RELN: variants seen among roughly 807,000 people sequenced by gnomAD.
RELN encodes reelin.
A neutral mutation model predicts 427.6 loss-of-function variants in RELN; 108 were observed. The observed-to-expected ratio is 0.25, with a 90% CI of 0.22 to 0.30. The LOEUF (loss-of-function observed/expected upper bound fraction) is 0.30. Ranked by LOEUF, RELN falls within the 10% of genes least tolerant of loss-of-function variation. The pLI is 1.00. For missense variants in RELN, 3,715 were observed against 4,302.8 expected (o/e 0.86, Z 3.82); for synonymous variants, 1,524 against 1,513.4 (o/e 1.01, Z -0.16).
rs1448416860 is a variant in RELN, at chr7:103,596,495, A to G, written c.3500T>C (p.Leu1167Pro). ...YSNNGGIQWHLLAEMYFSDFS... is the reference protein window; with the variant it reads ...YSNNGGIQWHPLAEMYFSDFS... ...GTCTGAAAAGTACATCTCTGCTAGC[A>G]GGTGCCACTGGATGCCCCCATTGTT... is the stretch of plus-strand genomic sequence containing the variant. The change falls in exon 25 of 65, where the codon CTG becomes CCG. Residue 1167 changes from leucine (L) to proline (P), a missense_variant. Around this residue, in one of 4 missense-constraint regions of RELN, gnomAD observed 2,208 missense variants for 2,361.7 expected, o/e 0.93. Transcript: ENST00000428762. 2 of 1,613,916 alleles carry G rather than the reference A, an allele frequency of 1.2e-6. No individual in the cohort carries two copies. Among genetic ancestry groups the G allele is most frequent in the Non-Finnish European group, 1.7e-6 (2 of 1,179,936 alleles).
At chr7:103,942,465 G>A (rs1472470868) in intron 1 of RELN, among the ~76,000 whole-genome samples, 1 of 152,182 alleles carries the variant, frequency 6.6e-6, no homozygotes, top group Admixed American at 6.5e-5. Context: ...TTCTCAAAGT[G>A]TGGTCTACAG....
chr7:103,694,222 G>A (rs1382657897), intron 10 of RELN, among the ~76,000 whole-genome samples: 2 of 152,172 alleles, frequency 1.3e-5, no homozygotes, highest in African/African-American at 2.4e-5. Flanking sequence ...ACAGGTGGAT[G>A]TTGGGAAGAA....
At chr7:103,680,509 C>CT (rs75029362) in intron 11 of RELN, among the ~76,000 whole-genome samples, 1,846 of 144,734 alleles carry the variant, frequency 0.013, 15 homozygotes, top group Middle Eastern at 0.022. Flanking sequence ...TCGAATTGGT[C>CT]TTTTTTTTTT....
At chr7:103,738,982 G>A (rs1421443785) in intron 6 of RELN, among the ~76,000 whole-genome samples, 2 of 151,958 alleles carry the variant, frequency 1.3e-5, no homozygotes, top group East Asian at 1.9e-4. Context: ...TGCCTGGCCT[G>A]GCATCTTTTC....
chr7:103,870,036 C>A (rs1311299698), intron 2 of RELN, among the ~76,000 whole-genome samples: 1 of 152,014 alleles, frequency 6.6e-6, no homozygotes, highest in East Asian at 1.9e-4. Flanking sequence ...TCCAATGAAC[C>A]CTTCATTCCA....
chr7:103,693,882 A>G lies in RELN; in HGVS notation c.1143+3971T>C, dbSNP rs1422035510. 2.0e-5 allele frequency among the ~76,000 whole-genome samples: 3 copies of G among 152,126 alleles called. No homozygotes were observed. In the East Asian group the frequency reaches 5.8e-4, roughly 29 times the overall value. Reference sequence around the variant, plus strand: ...CTCTATTTCATCTCCTCTGTAGATTACTGAAAACACCTCCTGCCTTCATAA... The same window carrying G: ...CTCTATTTCATCTCCTCTGTAGATTGCTGAAAACACCTCCTGCCTTCATAA... On this transcript the variant is annotated intron_variant, in intron 10 of 64. Transcript: ENST00000428762.
At chr7:103,833,271 C>A (rs1355724924) in intron 3 of RELN, among the ~76,000 whole-genome samples, 2 of 152,142 alleles carry the variant, frequency 1.3e-5, no homozygotes, top group African/African-American at 4.8e-5. Flanking sequence ...TCCTGTCCCA[C>A]CAATTCACTT....
rs142207498 is a variant in RELN at position 103,679,067 on chromosome 7, A to T, written c.1289+3049T>A. On this transcript the variant is annotated intron_variant, in intron 11 of 64. Coordinates refer to ENST00000428762, the MANE Select transcript of RELN (RefSeq NM_005045.4). ...TTAGATTTTGTGACTTTTAAAAAAA[A>T]TTCAATCTGTGACTAAAAATTATTA... Among the ~76,000 whole-genome samples the T allele has an allele frequency of 7.5e-4, 114 of 152,348 alleles. No individual in the cohort carries two copies. The South Asian group carries it at 0.012, about 16-fold the overall frequency.
intron 1 of RELN, among the ~76,000 whole-genome samples, chr7:103,974,775 T>G (rs1331482276): frequency 6.6e-6 from 1 of 152,214 alleles, no homozygotes; most frequent in Non-Finnish European, 1.5e-5. Flanking sequence ...AGCCAAACGA[T>G]TTTGGTTTCT....
At chr7:103,701,099 T>A in intron 8 of RELN, 93 bp from the exon 9 acceptor site, 1 of 787,622 alleles carries the variant, frequency 1.3e-6, no homozygotes, top group Non-Finnish European at 2.2e-6. Flanking sequence ...ATTTTTAAAC[T>A]ATTAGATATT....
At chr7:103,759,005 C>T (rs570715874) in intron 4 of RELN, among the ~76,000 whole-genome samples, 8 of 151,828 alleles carry the variant, frequency 5.3e-5, no homozygotes, top group Admixed American at 3.9e-4. Flanking sequence ...TCACAGACTA[C>T]GCAAAGAGGA....
rs75302567 is a variant in RELN, at chr7:103,503,472, C to T, written c.8275-242G>A. ...GGGGTTTGGAGAGAAACTCAGACCC[C>T]GTGCTTCTGCCATGCTGGCTGAATG... is the stretch of plus-strand genomic sequence containing the variant. On this transcript the variant is annotated intron_variant, in intron 51 of 64. Coordinates refer to ENST00000428762, the MANE Select transcript of RELN (RefSeq NM_005045.4). 0.12 allele frequency among the ~76,000 whole-genome samples: 18,545 copies of T among 152,156 alleles called. 1,197 individuals carry two copies. The highest frequency in any genetic ancestry group is 0.16 in the African/African-American group (6,692 of 41,490).
intron 46 of RELN, among the ~76,000 whole-genome samples, chr7:103,530,955 C>A (rs1015437329): frequency 6.6e-6 from 1 of 152,100 alleles, no homozygotes; most frequent in Non-Finnish European, 1.5e-5. Context: ...TCCTCCAGTG[C>A]AAGAATTTAA....
At chr7:103,924,546 G>C (rs545048013) in intron 1 of RELN, among the ~76,000 whole-genome samples, 2 of 152,242 alleles carry the variant, frequency 1.3e-5, no homozygotes, top group African/African-American at 4.8e-5. Context: ...AGCAGGTGCA[G>C]GACACCCATC....
At chr7:103,852,846 T>G (rs950774297) in intron 2 of RELN, among the ~76,000 whole-genome samples, 11 of 152,210 alleles carry the variant, frequency 7.2e-5, no homozygotes, top group Admixed American at 5.2e-4. Context: ...CAACAGTTAA[T>G]TAATTCTGAT....
At chr7:103,612,579 A>G (rs1831986004) in intron 20 of RELN, among the ~76,000 whole-genome samples, 1 of 152,150 alleles carries the variant, frequency 6.6e-6, no homozygotes, top group Non-Finnish European at 1.5e-5. Context: ...CCAGCCTGAA[A>G]TAAGTCTTAA....
rs201945386 is a variant in RELN at position 103,566,322 on chromosome 7, G to A, written c.4838C>T (p.Ser1613Phe). ...QTGFQDKFDG[S>F]IDLQANWYRI... ...ATACCAGTTGGCTTGCAAATCTATA[G>A]AGCCATCAAATTTGTCTTGAAATCC... The change falls in exon 33 of 65, where the codon TCT becomes TTT. Residue 1613 changes from serine (S) to phenylalanine (F), a missense_variant. Transcript: ENST00000428762. 9.9e-6 allele frequency: 16 copies of A among 1,613,956 alleles called. No homozygotes were observed. Among genetic ancestry groups the A allele is most frequent in the Non-Finnish European group, 1.4e-5 (16 of 1,179,914 alleles).
chr7:103,681,028 T>C (rs995928872), intron 11 of RELN, among the ~76,000 whole-genome samples: 4 of 152,088 alleles, frequency 2.6e-5, no homozygotes. Context: ...AGTTTGACAC[T>C]GAAAGACCCC....
At chr7:103,627,924 T>C (rs912233118) in intron 20 of RELN, 1 of 152,244 alleles carries the variant, frequency 6.6e-6, no homozygotes, top group Non-Finnish European at 1.5e-5. Context: ...TTATCATGCA[T>C]TCAATGCAAG....
Sources: gnomAD v4.1 joint callset for allele counts (sites outside exome capture counted in the v4.1 genomes callset) on GRCh38, gnomAD v4.1.1 for gene constraint, gnomAD v4.1.1 regional missense constraint, MANE v1.5 for transcripts, NCBI Gene and HGNC (gene_info 2026-07-23, HGNC 2026-07-21) for gene names.